Variants in SLC2A9 observed in about 807,000 individuals in gnomAD.
SLC2A9 encodes the protein solute carrier family 2, facilitated glucose transporter member 9.
Under a neutral mutation model 50.6 loss-of-function variants are expected in SLC2A9, and 39 were observed. The ratio of observed to expected loss-of-function variants is 0.77; its 90% CI spans 0.60 to 1.01. The LOEUF (loss-of-function observed/expected upper bound fraction) is 1.01. SLC2A9 is among the 50% of genes least tolerant of loss of function. The pLI, the probability that SLC2A9 is intolerant of heterozygous loss-of-function variation, is 0.00. For missense variants in SLC2A9, 686 were observed against 677.6 expected, an observed-to-expected ratio of 1.01 and a Z score of -0.14; for synonymous variants, 324 against 276.9, an observed-to-expected ratio of 1.17 and a Z score of -1.69.
chr4:10,019,827 T>G (rs1363650410), intron 1 of SLC2A9, among the ~76,000 whole-genome samples: 1 of 152,210 alleles, frequency 6.6e-6, no homozygotes, highest in African/African-American at 2.4e-5. Context: ...TGCCTTGGTG[T>G]TGTCCTGCCC....
At chr4:9,996,569 C>A (rs375416664) in intron 3 of SLC2A9, among the ~76,000 whole-genome samples, 1 of 145,222 alleles carries the variant, frequency 6.9e-6, no homozygotes, top group Non-Finnish European at 1.5e-5. Context: ...AGTCCCTATA[C>A]GCTTCTGCTG....
At chr4:9,991,423 C>A (rs1578221179) in intron 3 of SLC2A9, among the ~76,000 whole-genome samples, 2 of 152,196 alleles carry the variant, frequency 1.3e-5, no homozygotes, top group South Asian at 4.2e-4. Context: ...CTCGCTCGGG[C>A]CAAGGAGATT....
intron 3 of SLC2A9, among the ~76,000 whole-genome samples, chr4:9,802,887 C>T (rs1326168244): frequency 6.6e-6 from 1 of 152,148 alleles, no homozygotes; most frequent in Non-Finnish European, 1.5e-5. Flanking sequence ...TCTAATCCTG[C>T]CTTATCCAGG....
chr4:9,939,803 A>G (rs1182648537), intron 6 of SLC2A9, among the ~76,000 whole-genome samples: 2 of 152,090 alleles, frequency 1.3e-5, no homozygotes, highest in African/African-American at 4.8e-5. Flanking sequence ...ATCTCATACC[A>G]CTGTCTCACC....
intron 6 of SLC2A9, among the ~76,000 whole-genome samples, chr4:9,932,282 T>C (rs899841181): frequency 2.6e-5 from 4 of 151,892 alleles, no homozygotes; most frequent in Non-Finnish European, 1.5e-5. Flanking sequence ...ACTCAGCCTT[T>C]GGTATACTTT....
chr4:9,993,370 A>G (rs568794942), intron 3 of SLC2A9, among the ~76,000 whole-genome samples: 2 of 152,322 alleles, frequency 1.3e-5, no homozygotes, highest in East Asian at 1.9e-4. Context: ...AATAAAGCCA[A>G]TGAGGTTGGT....
At chr4:9,865,959 G>T (rs889724200) in intron 10 of SLC2A9, among the ~76,000 whole-genome samples, 13 of 152,202 alleles carry the variant, frequency 8.5e-5, no homozygotes, top group Non-Finnish European at 1.8e-4. Flanking sequence ...ACGCAAGGAT[G>T]TGATACAGAG....
chr4:9,780,821 T>A (rs1471665605), intron 3 of SLC2A9, among the ~76,000 whole-genome samples: 1 of 152,136 alleles, frequency 6.6e-6, no homozygotes, highest in Non-Finnish European at 1.5e-5. Flanking sequence ...TTGGGCCCCG[T>A]CAGTTCCTTT....
At position 9,992,231 on chromosome 4, in the gene SLC2A9, C is replaced by A. The variant is rs191872799; in HGVS notation, c.410+4550G>T. On this transcript the variant is annotated intron_variant, in intron 3 of 11. Transcript: ENST00000264784. ...AGTGGATGCGTGGTACAGGCCTGGC[C>A]AGTCAACATAAAATCACTCATCATT... Among the ~76,000 whole-genome samples the A allele has an allele frequency of 6.2e-4, 95 of 152,220 alleles. 1 individual carries two copies. Among genetic ancestry groups the A allele is most frequent in the Admixed American group, 2.0e-3 (30 of 15,296 alleles).
chr4:9,894,960 C>A (rs1033329578), intron 8 of SLC2A9, among the ~76,000 whole-genome samples: 2 of 152,130 alleles, frequency 1.3e-5, no homozygotes, highest in African/African-American at 4.8e-5. Flanking sequence ...TTACACTAAG[C>A]TTATCATGTG....
At chr4:10,013,303 C>A (rs977268703) in intron 2 of SLC2A9, among the ~76,000 whole-genome samples, 6 of 152,240 alleles carry the variant, frequency 3.9e-5, no homozygotes, top group African/African-American at 1.4e-4. Context: ...ACATCCCATC[C>A]ACCAAGCTGG....
At chr4:9,857,790 A>C (rs1465486037) in intron 10 of SLC2A9, among the ~76,000 whole-genome samples, 1 of 152,096 alleles carries the variant, frequency 6.6e-6, no homozygotes, top group Non-Finnish European at 1.5e-5. Flanking sequence ...GTCTCCTGGG[A>C]TCACCCCCCA....
intron 4 of SLC2A9, among the ~76,000 whole-genome samples, chr4:9,985,122 C>G (rs1398093471): frequency 2.6e-5 from 4 of 152,170 alleles, no homozygotes; most frequent in Non-Finnish European, 5.9e-5. Flanking sequence ...TCACCACCCT[C>G]CTGTCCTGCT....
intron 3 of SLC2A9, among the ~76,000 whole-genome samples, chr4:9,818,440 C>T (rs7687896): frequency 6.6e-6 from 1 of 152,098 alleles, no homozygotes; most frequent in Non-Finnish European, 1.5e-5. Flanking sequence ...AAGACTATTG[C>T]AATAGCGGAG....
chr4:9,911,545 A>G (rs1316059918), intron 7 of SLC2A9, among the ~76,000 whole-genome samples: 1 of 152,194 alleles, frequency 6.6e-6, no homozygotes, highest in African/African-American at 2.4e-5. Flanking sequence ...TGTTCACCAC[A>G]CAACTCTGTT....
At chr4:9,944,046 C>T (rs1046348829) in intron 5 of SLC2A9, among the ~76,000 whole-genome samples, 6 of 152,226 alleles carry the variant, frequency 3.9e-5, no homozygotes, top group Non-Finnish European at 7.3e-5. Context: ...GGGAGCACTT[C>T]CCAGGGGTGG....
At chr4:9,880,825 G>C (rs1232418428) in intron 10 of SLC2A9, among the ~76,000 whole-genome samples, 1 of 152,188 alleles carries the variant, frequency 6.6e-6, no homozygotes, top group Non-Finnish European at 1.5e-5. Flanking sequence ...ACCTTTGCAG[G>C]GGTGGCACTG....
chr4:9,934,467 C>T (rs772014318), intron 6 of SLC2A9, among the ~76,000 whole-genome samples: 6 of 152,146 alleles, frequency 3.9e-5, no homozygotes, highest in Non-Finnish European at 7.3e-5. Context: ...GATGGCAGAA[C>T]AAGAATCCTC....
chr4:9,809,861 T>A (rs573661358), intron 3 of SLC2A9, among the ~76,000 whole-genome samples: 2 of 151,190 alleles, frequency 1.3e-5, no homozygotes, highest in Non-Finnish European at 2.9e-5. Context: ...TCTTTTTTTT[T>A]TTTTTTAAAT....
Sources: allele counts gnomAD v4.1 joint callset (sites outside exome capture counted in the v4.1 genomes callset), GRCh38; gene constraint gnomAD v4.1.1; transcripts MANE v1.5; gene names NCBI Gene and HGNC (gene_info 2026-07-23, HGNC 2026-07-21).